Variants in PDZD8 observed in about 807,000 individuals in gnomAD.
The protein encoded by PDZD8 is PDZ domain-containing protein 8.
Under a neutral mutation model 85.8 loss-of-function variants are expected in PDZD8, and 14 were observed. The observed-to-expected ratio is 0.16, with a 90% CI of 0.11 to 0.26. The LOEUF (loss-of-function observed/expected upper bound fraction) is 0.26, where lower values mean the gene tolerates loss of function less well. PDZD8 is among the 10% of genes least tolerant of loss of function. The pLI is 1.00. For synonymous variants in PDZD8, 592 were observed against 568.6 expected, an observed-to-expected ratio of 1.04 and a Z score of -0.59; for missense variants, 1,197 against 1,424.3, an observed-to-expected ratio of 0.84 and a Z score of 2.57.
chr10:117,289,892 T>TA (rs1338964865), intron 4 of PDZD8, among the ~76,000 whole-genome samples: 1 of 151,836 alleles, frequency 6.6e-6, no homozygotes, highest in African/African-American at 2.4e-5. Context: ...CAAGAAAAAA[T>TA]AAATAGAGTA....
In PDZD8 at chr10:117,374,961, C is replaced by G. The variant is rs755578912; in HGVS notation, c.267G>C (p.Pro89=). The G allele has an allele frequency of 6.2e-6, 10 of 1,607,942 alleles. No homozygotes were observed. The South Asian group carries it at 1.1e-4, about 18-fold the overall frequency. The part of the protein sequence containing the change: ...TPTAAPETPA[P]PTRETCYFLN... Reference sequence around the variant, plus strand: ...GGAAGTAGCAAGTCTCCCGCGTCGGCGGGGCGGGGGTCTCGGGGGCCGCGG... The same window carrying G: ...GGAAGTAGCAAGTCTCCCGCGTCGGGGGGGCGGGGGTCTCGGGGGCCGCGG... The change falls in exon 1 of 5, where the codon CCG becomes CCC. Residue 89 remains proline (P), a synonymous_variant. Transcript: ENST00000334464. This position sits in a 1 kb window ranked among gnomAD's most constrained non-coding sequence, Gnocchi z 7.8.
In PDZD8 at chr10:117,333,179, C is replaced by T. The variant is rs73407960; in HGVS notation, c.995+7801G>A. 4.9e-3 allele frequency among the ~76,000 whole-genome samples: 694 copies of T among 141,394 alleles called. 10 individuals are homozygous for T. Among genetic ancestry groups the T allele is most frequent in the African/African-American group, 0.017 (663 of 38,622 alleles). The allele number at this position is 141,394 out of a possible 152,430, so 92.8% of individuals were successfully genotyped here. A position where few individuals can be genotyped will look rare whatever the true frequency, so the allele number is the denominator to read the frequency against. The stretch of plus-strand genomic sequence containing the variant: ...AGGCAGAATAAGATAACAGAAAGAC[C>T]GAGGAACTCTGGAGTTAGACAAAAC... On this transcript the variant is annotated intron_variant, in intron 2 of 4. Transcript: ENST00000334464.
chr10:117,290,864 C>CT (rs145614241), intron 3 of PDZD8, among the ~76,000 whole-genome samples: 11,837 of 120,512 alleles, frequency 0.098, 825 homozygotes, highest in East Asian at 0.26. Flanking sequence ...ATGGTGTATC[C>CT]TTTTTTTTTT....
At chr10:117,311,431 A>G (rs12263151) in intron 3 of PDZD8, among the ~76,000 whole-genome samples, 4,252 of 152,306 alleles carry the variant, frequency 0.028, 223 homozygotes, top group African/African-American at 0.099. Context: ...GCTCATGGTC[A>G]GACAGCCAGC....
chr10:117,294,330 AAAAAAAAAAAAAAAAC>A (rs1434126170), intron 3 of PDZD8, among the ~76,000 whole-genome samples: 3 of 129,662 alleles, frequency 2.3e-5, no homozygotes, highest in Admixed American at 8.0e-5. Context: ...AAAAAGACAA[AAAAAAAAAAAAAAAAC>A]AAAAAAACAA....
At chr10:117,315,737 C>CTCA (rs1489096848) in intron 3 of PDZD8, among the ~76,000 whole-genome samples, 1 of 151,990 alleles carries the variant, frequency 6.6e-6, no homozygotes, top group Non-Finnish European at 1.5e-5. Flanking sequence ...GCTACTGTGA[C>CTCA]ATTTATGTGT....
At chr10:117,311,357 T>C (rs1844033017) in intron 3 of PDZD8, among the ~76,000 whole-genome samples, 1 of 152,152 alleles carries the variant, frequency 6.6e-6, no homozygotes, top group Admixed American at 6.5e-5. Context: ...GAAACAGAAG[T>C]GTGACTAAAA....
At chr10:117,338,687 A>T (rs1415007593) in intron 2 of PDZD8, among the ~76,000 whole-genome samples, 1 of 152,224 alleles carries the variant, frequency 6.6e-6, no homozygotes, top group Non-Finnish European at 1.5e-5. Flanking sequence ...TTATTAAAAT[A>T]AAGTTGGTTA....
rs1359172428 is a variant in PDZD8 at position 117,298,234 on chromosome 10, G to A, written c.1099-7886C>T. 2.0e-5 allele frequency among the ~76,000 whole-genome samples: 3 copies of A among 152,160 alleles called. No individual in the cohort carries two copies. In the East Asian group the frequency reaches 5.8e-4, roughly 29 times the overall value. On this transcript the variant is annotated intron_variant, in intron 3 of 4. Coordinates refer to ENST00000334464, the MANE Select transcript of PDZD8 (RefSeq NM_173791.5). ...CTACTATTAAAAAGAATTAGAACTT[G>A]TAATTATCAAATACTTGCATGTGGT...
At chr10:117,315,603 A>AAC (rs983302910) in intron 3 of PDZD8, among the ~76,000 whole-genome samples, 2 of 95,372 alleles carry the variant, frequency 2.1e-5, no homozygotes, top group African/African-American at 6.1e-5. Flanking sequence ...AAAAAAAAAA[A>AAC]AAAAAAAAAC....
At chr10:117,326,541 T>A (rs1349846188) in intron 2 of PDZD8, among the ~76,000 whole-genome samples, 1 of 152,214 alleles carries the variant, frequency 6.6e-6, no homozygotes, top group Non-Finnish European at 1.5e-5. Context: ...AATTCCACAA[T>A]CAAACAGCTT....
intron 2 of PDZD8, among the ~76,000 whole-genome samples, chr10:117,334,283 A>G (rs1350466714): frequency 6.6e-6 from 1 of 152,182 alleles, no homozygotes; most frequent in Non-Finnish European, 1.5e-5. Flanking sequence ...GGGCTGGATG[A>G]AGCTGGTTGA....
chr10:117,349,840 T>G (rs920725287), intron 1 of PDZD8, among the ~76,000 whole-genome samples: 1 of 151,902 alleles, frequency 6.6e-6, no homozygotes, highest in Non-Finnish European at 1.5e-5. Context: ...TAAATAAAGA[T>G]GTAGTTCAGT....
At chr10:117,347,644 A>C (rs538341909) in intron 1 of PDZD8, among the ~76,000 whole-genome samples, 187 of 90,318 alleles carry the variant, frequency 2.1e-3, no homozygotes, top group Admixed American at 6.6e-3. Context: ...TTTTGTGGAC[A>C]AAAAAAAATG....
intron 2 of PDZD8, among the ~76,000 whole-genome samples, chr10:117,323,038 A>C (rs956909399): frequency 6.6e-6 from 1 of 152,196 alleles, no homozygotes; most frequent in Non-Finnish European, 1.5e-5. Flanking sequence ...TTTCACATGT[A>C]TGAGTATTAA....
chr10:117,311,996 C>T (rs558688395), intron 3 of PDZD8, among the ~76,000 whole-genome samples: 30 of 152,020 alleles, frequency 2.0e-4, no homozygotes, highest in African/African-American at 7.0e-4. Flanking sequence ...GGAAGAAAAC[C>T]CTGGCTTTCC....
intron 3 of PDZD8, among the ~76,000 whole-genome samples, chr10:117,311,771 G>GTACCAAACAGGA (rs1844040659): frequency 6.6e-6 from 1 of 151,926 alleles, no homozygotes; most frequent in Non-Finnish European, 1.5e-5. Context: ...GAGACAGTGA[G>GTACCAAACAGGA]GACACTCAGA....
chr10:117,305,471 TACACACACACACACACACACACAC>T lies in PDZD8; in HGVS notation c.1098+13377_1098+13400del, dbSNP rs57037106. On this transcript the variant is annotated intron_variant, in intron 3 of 4. Coordinates refer to ENST00000334464, the MANE Select transcript of PDZD8 (RefSeq NM_173791.5). ...ACACACACACATATATACACACACATACACACACACACACACACACACACACACACACACACACACACACATATA... is the reference window on the plus strand; with the variant it reads ...ACACACACACATATATACACACACATACACACACACACACACACACATATA... Among the ~76,000 whole-genome samples the T allele has an allele frequency of 5.6e-4, 79 of 141,856 alleles. No homozygotes were observed. In the Middle Eastern group the frequency reaches 0.011, roughly 19 times the overall value. The allele number at this position is 141,856 out of a possible 152,430, so 93.1% of individuals were successfully genotyped here.
At chr10:117,300,835 C>T (rs1273716782) in intron 3 of PDZD8, among the ~76,000 whole-genome samples, 1 of 152,126 alleles carries the variant, frequency 6.6e-6, no homozygotes, top group Non-Finnish European at 1.5e-5. Context: ...AGCTATGAAT[C>T]AAGAAGCCAG....
Sources: allele counts gnomAD v4.1 joint callset (sites outside exome capture counted in the v4.1 genomes callset), GRCh38; gene constraint gnomAD v4.1.1; non-coding constraint Gnocchi (gnomAD v3.1); transcripts MANE v1.5; gene names NCBI Gene and HGNC (gene_info 2026-07-23, HGNC 2026-07-21).